MACROD2: variants seen among roughly 807,000 people sequenced by gnomAD.
The protein encoded by MACROD2 is ADP-ribose glycohydrolase MACROD2.
Under a neutral mutation model 70.4 loss-of-function variants are expected in MACROD2, and 36 were observed. The ratio of observed to expected loss-of-function variants is 0.51; its 90% CI spans 0.39 to 0.68. The LOEUF is 0.68. Among genes scored for constraint, MACROD2 ranks in the 30% least tolerant of loss-of-function variants. The probability of loss-of-function intolerance (pLI) is 0.00; values close to 1 mark genes in which losing one functional copy is unlikely to be tolerated. For synonymous variants in MACROD2, 172 were observed against 178.8 expected, an observed-to-expected ratio of 0.96 and a Z score of 0.30; for missense variants, 496 against 538.4, an observed-to-expected ratio of 0.92 and a Z score of 0.78.
At chr20:15,539,107 C>A (rs945242855) in intron 8 of MACROD2, among the ~76,000 whole-genome samples, 3 of 152,070 alleles carry the variant, frequency 2.0e-5, no homozygotes, top group African/African-American at 7.2e-5. Flanking sequence ...GTAACTCTTG[C>A]ACTTGTCCCT....
At chr20:15,806,859 T>G (rs6135543) in intron 8 of MACROD2, among the ~76,000 whole-genome samples, 33,653 of 151,936 alleles carry the variant, frequency 0.22, 3,791 homozygotes, top group African/African-American at 0.25. Context: ...TCTAAAAAAT[T>G]GAAAGGAGAC....
intron 8 of MACROD2, among the ~76,000 whole-genome samples, chr20:15,788,417 G>A (rs917131526): frequency 2.0e-5 from 3 of 152,130 alleles, no homozygotes; most frequent in African/African-American, 4.8e-5. Flanking sequence ...TTCCTCTTAG[G>A]AAGTATTGGT....
chr20:15,045,143 A>T (rs1260438113), intron 5 of MACROD2, among the ~76,000 whole-genome samples: 1 of 152,166 alleles, frequency 6.6e-6, no homozygotes, highest in Non-Finnish European at 1.5e-5. Context: ...AAGAAAAGAA[A>T]AGAAAAGAAA....
chr20:15,957,353 T>C (rs2065992032), intron 12 of MACROD2, among the ~76,000 whole-genome samples: 1 of 152,214 alleles, frequency 6.6e-6, no homozygotes, highest in African/African-American at 2.4e-5. Flanking sequence ...TTGGGAAATT[T>C]TTTAGTAATG....
At chr20:15,740,043 A>C (rs2051080894) in intron 8 of MACROD2, among the ~76,000 whole-genome samples, 1 of 152,236 alleles carries the variant, frequency 6.6e-6, no homozygotes, top group East Asian at 1.9e-4. Flanking sequence ...TGTCTACTTC[A>C]GGTCACATTC....
intron 8 of MACROD2, among the ~76,000 whole-genome samples, chr20:15,585,712 C>T (rs567840162): frequency 9.9e-5 from 15 of 152,268 alleles, no homozygotes; most frequent in Admixed American, 6.5e-4. Flanking sequence ...CTGAATCATC[C>T]GTCTTAATAG....
intron 5 of MACROD2, among the ~76,000 whole-genome samples, chr20:15,209,994 A>G (rs2076747528): frequency 6.6e-6 from 1 of 152,220 alleles, no homozygotes; most frequent in Non-Finnish European, 1.5e-5. Flanking sequence ...TCCTAAAGAA[A>G]TCCCTGTGAT....
At position 15,729,831 on chromosome 20, in the gene MACROD2, C is replaced by CTT. The variant is rs61542762; in HGVS notation, c.646-132900_646-132899dup. ...GAACACAGCATGCAGTTGGGTCATGCTTTTTTTTTTTTTTTGGATGGAGTT... is the reference window on the plus strand; with the variant it reads ...GAACACAGCATGCAGTTGGGTCATGCTTTTTTTTTTTTTTTTTGGATGGAGTT... On this transcript the variant is annotated intron_variant, in intron 8 of 17. Transcript: ENST00000684519. 3.2e-3 allele frequency among the ~76,000 whole-genome samples: 207 copies of CTT among 64,778 alleles called. 26 individuals are homozygous for CTT. The highest frequency in any genetic ancestry group is 0.027 in the South Asian group (42 of 1,568). 42.5% of individuals were successfully genotyped at this position (64,778 alleles called of 152,430 possible).
At chr20:15,745,929 T>C (rs1011814954) in intron 8 of MACROD2, among the ~76,000 whole-genome samples, 4 of 152,182 alleles carry the variant, frequency 2.6e-5, no homozygotes, top group Non-Finnish European at 5.9e-5. Flanking sequence ...GTGCTGATTA[T>C]TTAAAATATA....
At chr20:14,440,347 T>C (rs2084107403) in intron 3 of MACROD2, among the ~76,000 whole-genome samples, 1 of 152,044 alleles carries the variant, frequency 6.6e-6, no homozygotes, top group African/African-American at 2.4e-5. Context: ...TGAGGTTTTT[T>C]TGCAATTTTT....
At chr20:15,043,797 C>T (rs1444786612) in intron 5 of MACROD2, among the ~76,000 whole-genome samples, 5 of 152,240 alleles carry the variant, frequency 3.3e-5, no homozygotes, top group East Asian at 3.9e-4. Context: ...ACACTCTCCT[C>T]GGGTTTGATA....
intron 3 of MACROD2, among the ~76,000 whole-genome samples, chr20:14,157,841 G>T (rs1296808177): frequency 6.6e-6 from 1 of 152,024 alleles, no homozygotes; most frequent in East Asian, 1.9e-4. Flanking sequence ...GGACACTTAG[G>T]TTGACTCCAT....
chr20:15,766,859 G>T lies in MACROD2; in HGVS notation c.646-95886G>T, dbSNP rs111707271. On this transcript the variant is annotated intron_variant, in intron 8 of 17. Coordinates refer to ENST00000684519, the MANE Select transcript of MACROD2 (RefSeq NM_001351661.2). The stretch of plus-strand genomic sequence containing the variant: ...TAGCTTGGAGTTCTCTCCATGCGGG[G>T]TCTCTATCCTCAACTGGCTGGCCCA... Among the ~76,000 whole-genome samples the T allele has an allele frequency of 5.3e-5, 8 of 152,332 alleles. 1 individual carries two copies. Among genetic ancestry groups the T allele is most frequent in the African/African-American group, 1.9e-4 (8 of 41,584 alleles).
chr20:15,709,374 C>G (rs2050590624), intron 8 of MACROD2, among the ~76,000 whole-genome samples: 1 of 151,968 alleles, frequency 6.6e-6, no homozygotes, highest in Non-Finnish European at 1.5e-5. Flanking sequence ...ATAACTGTAC[C>G]TATAGGCCAG....
chr20:14,886,803 G>A (rs1322848142), intron 5 of MACROD2, among the ~76,000 whole-genome samples: 3 of 152,044 alleles, frequency 2.0e-5, no homozygotes, highest in Non-Finnish European at 4.4e-5. Context: ...ATACAAATGA[G>A]GAAATGAAGT....
At chr20:14,989,091 GT>G (rs1341978946) in intron 5 of MACROD2, among the ~76,000 whole-genome samples, 3 of 151,794 alleles carry the variant, frequency 2.0e-5, no homozygotes, top group South Asian at 2.1e-4. Flanking sequence ...GAATTATATG[GT>G]TTTTTTTAAA....
chr20:14,704,603 C>A (rs2071246182), intron 5 of MACROD2, among the ~76,000 whole-genome samples: 1 of 152,152 alleles, frequency 6.6e-6, no homozygotes, highest in African/African-American at 2.4e-5. Flanking sequence ...CAAATCCTGC[C>A]TGTTTTCCTC....
intron 3 of MACROD2, among the ~76,000 whole-genome samples, chr20:14,276,809 G>A (rs889101685): frequency 1.3e-5 from 2 of 151,970 alleles, no homozygotes; most frequent in Non-Finnish European, 2.9e-5. Flanking sequence ...TTGTGCTGTT[G>A]GTTTTTCCAT....
chr20:14,910,921 A>G (rs1033824633), intron 5 of MACROD2, among the ~76,000 whole-genome samples: 4 of 152,174 alleles, frequency 2.6e-5, no homozygotes, highest in South Asian at 2.1e-4. Flanking sequence ...TTCATTTTCA[A>G]TCCAACCCAG....
Sources: allele counts gnomAD v4.1 joint callset (sites outside exome capture counted in the v4.1 genomes callset), GRCh38; gene constraint gnomAD v4.1.1; transcripts MANE v1.5; gene names NCBI Gene and HGNC (gene_info 2026-07-23, HGNC 2026-07-21).